The following KHDRBS2 variants were observed in gnomAD, a reference collection of about 807,000 sequenced individuals.
KHDRBS2 encodes KH domain-containing, RNA-binding, signal transduction-associated protein 2.
A neutral mutation model predicts 44.3 loss-of-function variants in KHDRBS2; 26 were observed. The observed-to-expected ratio is 0.59, with a 90% CI of 0.43 to 0.81. KHDRBS2 has a LOEUF of 0.81. KHDRBS2 is among the 40% of genes least tolerant of loss of function. KHDRBS2 has a pLI of 0.00. For missense variants in KHDRBS2, 476 were observed against 433.1 expected (o/e 1.10, Z -0.88); for synonymous variants, 194 against 151.1 (o/e 1.28, Z -2.08).
intron 2 of KHDRBS2, among the ~76,000 whole-genome samples, chr6:62,145,700 T>C (rs1562954492): frequency 6.6e-6 from 1 of 151,916 alleles, no homozygotes; most frequent in Non-Finnish European, 1.5e-5. Flanking sequence ...ATCAAACTTT[T>C]CATTGTAATC....
the KHDRBS2 span, among the ~76,000 whole-genome samples, chr6:61,580,416 A>C: frequency 6.6e-6 from 1 of 152,188 alleles, no homozygotes; most frequent in East Asian, 1.9e-4. Context: ...GGGCAAGGCC[A>C]AATAAGGGAA....
At chr6:62,014,577 C>T (rs753035652) in intron 3 of KHDRBS2, among the ~76,000 whole-genome samples, 2 of 151,910 alleles carry the variant, frequency 1.3e-5, no homozygotes, top group Non-Finnish European at 2.9e-5. Flanking sequence ...GAATAAATGA[C>T]AAAAAATAAT....
intron 3 of KHDRBS2, among the ~76,000 whole-genome samples, chr6:62,007,502 A>C (rs550295441): frequency 6.6e-6 from 1 of 152,152 alleles, no homozygotes; most frequent in Non-Finnish European, 1.5e-5. Flanking sequence ...CTGATGACAC[A>C]GACCACATTT....
At chr6:61,648,829 A>C in the KHDRBS2 span, among the ~76,000 whole-genome samples, 35 of 152,254 alleles carry the variant, frequency 2.3e-4, no homozygotes, top group South Asian at 5.8e-3. Flanking sequence ...AACACGTCAG[A>C]TTTAGTGCGG....
chr6:61,677,914 T>C (rs531958614), downstream of KHDRBS2, among the ~76,000 whole-genome samples: 72 of 152,014 alleles, frequency 4.7e-4, no homozygotes, highest in African/African-American at 1.6e-3. Context: ...CATATCTCTC[T>C]CAGTCTCTGT....
intron 1 of KHDRBS2, among the ~76,000 whole-genome samples, chr6:62,254,438 T>A (rs1291386069): frequency 1.3e-5 from 2 of 152,068 alleles, no homozygotes; most frequent in Non-Finnish European, 2.9e-5. Flanking sequence ...AATATGATTA[T>A]GAGACAGAGG....
intron 1 of KHDRBS2, among the ~76,000 whole-genome samples, chr6:62,277,785 T>C (rs1050998566): frequency 2.0e-5 from 3 of 152,222 alleles, no homozygotes; most frequent in African/African-American, 7.2e-5. Context: ...TGATTGTTTA[T>C]TATCTCTCTA....
At chr6:61,848,874 ATAGT>A (rs1795037202) in intron 6 of KHDRBS2, among the ~76,000 whole-genome samples, 1 of 151,910 alleles carries the variant, frequency 6.6e-6, no homozygotes, top group African/African-American at 2.4e-5. Context: ...ACAATTTTGA[ATAGT>A]TAAATAAATG....
At chr6:61,551,117 G>T in the KHDRBS2 span, among the ~76,000 whole-genome samples, 7,335 of 152,052 alleles carry the variant, frequency 0.048, 337 homozygotes, top group East Asian at 0.22. Context: ...TTCTTTAATG[G>T]TTAGTGATAA....
intron 2 of KHDRBS2, among the ~76,000 whole-genome samples, chr6:62,076,792 A>C (rs1357196955): frequency 6.6e-6 from 1 of 152,000 alleles, no homozygotes. Flanking sequence ...CTGTAATCCC[A>C]ACACTTTGGG....
At chr6:61,848,494 T>TATATATATAC (rs1794800177) in intron 6 of KHDRBS2, among the ~76,000 whole-genome samples, 1 of 50,576 alleles carries the variant, frequency 2.0e-5, no homozygotes, top group African/African-American at 1.1e-4. Flanking sequence ...TATATATGTA[T>TATATATATAC]ATATATATAT....
intron 8 of KHDRBS2, among the ~76,000 whole-genome samples, chr6:61,685,136 T>C (rs1477174378): frequency 1.3e-5 from 2 of 151,792 alleles, no homozygotes; most frequent in African/African-American, 4.8e-5. Flanking sequence ...CTAACTTTCA[T>C]CATTCAGTTG....
downstream of KHDRBS2, among the ~76,000 whole-genome samples, chr6:61,676,396 T>A (rs1765942776): frequency 1.3e-5 from 2 of 151,858 alleles, no homozygotes; most frequent in Admixed American, 1.3e-4. Context: ...CAGATTAATT[T>A]TGATCAGAAG....
chr6:61,737,368 T>C (rs1775528250), intron 6 of KHDRBS2, among the ~76,000 whole-genome samples: 1 of 152,146 alleles, frequency 6.6e-6, no homozygotes, highest in Non-Finnish European at 1.5e-5. Flanking sequence ...CAATACTTGA[T>C]ATATTTTTAA....
chr6:61,795,647 C>G (rs995735585), intron 6 of KHDRBS2, among the ~76,000 whole-genome samples: 1 of 152,128 alleles, frequency 6.6e-6, no homozygotes, highest in Non-Finnish European at 1.5e-5. Flanking sequence ...TTACTTGCCA[C>G]AATTTTCTTA....
intron 4 of KHDRBS2, among the ~76,000 whole-genome samples, chr6:61,940,158 C>G (rs562203358): frequency 6.6e-6 from 1 of 150,684 alleles, no homozygotes; most frequent in African/African-American, 2.4e-5. Context: ...ATATATTTAA[C>G]GGAACAACAA....
rs973565496 is a variant in KHDRBS2 at position 62,104,490 on chromosome 6, A to T, written c.220-56496T>A. ...GGAATAAAATTGGGTATCAGTAATT[A>T]AAAAAATCTTGATTATTCCCAAATA... is the stretch of plus-strand genomic sequence containing the variant. On this transcript the variant is annotated intron_variant, in intron 2 of 8. Coordinates refer to ENST00000281156, the MANE Select transcript of KHDRBS2 (RefSeq NM_152688.4). 3.9e-5 allele frequency among the ~76,000 whole-genome samples: 6 copies of T among 152,168 alleles called. No individual in the cohort carries two copies. In the East Asian group the frequency reaches 7.7e-4, roughly 20 times the overall value.
chr6:61,964,283 T>C (rs1321715621), intron 4 of KHDRBS2, among the ~76,000 whole-genome samples: 1 of 152,062 alleles, frequency 6.6e-6, no homozygotes, highest in Non-Finnish European at 1.5e-5. Context: ...CAGTTAAACA[T>C]TTTTAGCCTG....
chr6:61,658,134 C>T, the KHDRBS2 span, among the ~76,000 whole-genome samples: 82,464 of 151,600 alleles, frequency 0.54, 22,882 homozygotes, highest in Non-Finnish European at 0.61. Flanking sequence ...TGGTAGTTTG[C>T]AGCCTAAATT....
Sources: gnomAD v4.1 joint callset for allele counts (sites outside exome capture counted in the v4.1 genomes callset) on GRCh38, gnomAD v4.1.1 for gene constraint, MANE v1.5 for transcripts, NCBI Gene and HGNC (gene_info 2026-07-23, HGNC 2026-07-21) for gene names.